The following PPP3CC variants were observed in gnomAD, a reference collection of about 807,000 sequenced individuals.
PPP3CC encodes serine/threonine-protein phosphatase 2B catalytic subunit gamma isoform.
A neutral mutation model predicts 60.3 loss-of-function variants in PPP3CC; 35 were observed. The ratio of observed to expected loss-of-function variants is 0.58; its 90% CI spans 0.44 to 0.77. PPP3CC has a LOEUF of 0.77. Among genes scored for constraint, PPP3CC ranks in the 30% least tolerant of loss-of-function variants. The probability of loss-of-function intolerance (pLI) is 0.00; values close to 1 mark genes in which losing one functional copy is unlikely to be tolerated. For missense variants in PPP3CC, 570 were observed against 628.9 expected, an observed-to-expected ratio of 0.91 and a Z score of 1.00; for synonymous variants, 206 against 224.3, an observed-to-expected ratio of 0.92 and a Z score of 0.73.
intron 11 of PPP3CC, 93 bp from the exon 12 acceptor site, chr8:22,532,828 T>C (rs1417392098): frequency 4.1e-5 from 33 of 811,490 alleles, no homozygotes; most frequent in Non-Finnish European, 5.7e-5. Flanking sequence ...CTATCTTCCA[T>C]CTCTGCTGTC....
intron 3 of PPP3CC, among the ~76,000 whole-genome samples, chr8:22,481,785 G>T (rs939698302): frequency 6.6e-6 from 1 of 151,884 alleles, no homozygotes; most frequent in African/African-American, 2.4e-5. Flanking sequence ...AACATGTGGT[G>T]TTTGGTTTTC....
intron 6 of PPP3CC, among the ~76,000 whole-genome samples, chr8:22,514,023 A>G (rs1292277238): frequency 6.6e-6 from 1 of 152,224 alleles, no homozygotes; most frequent in East Asian, 1.9e-4. Flanking sequence ...AGGCGGGCGG[A>G]TCACTTAAGG....
intron 4 of PPP3CC, 177 bp from the exon 5 acceptor site, chr8:22,510,909 A>G: frequency 1.7e-6 from 1 of 598,478 alleles, no homozygotes; most frequent in African/African-American, 1.9e-5. Flanking sequence ...AAGAGGAGAG[A>G]GGTATTGTTA....
At position 22,497,879 on chromosome 8, in the gene PPP3CC, A is replaced by C. The variant is rs1838636901; in HGVS notation, c.373-122A>C. On this transcript the variant is annotated intron_variant, in intron 3 of 13. Coordinates refer to ENST00000240139, the MANE Select transcript of PPP3CC (RefSeq NM_005605.5). ...AAGTATATCACATTCAAAAGGTTTC[A>C]TTTTTCAATTTGGGAGTAACAATGA... The C allele has an allele frequency of 7.9e-6, 5 of 631,134 alleles. No individual in the cohort carries two copies. The East Asian group carries it at 1.4e-4, about 18-fold the overall frequency. 39.1% of individuals were successfully genotyped at this position (631,134 alleles called of 1,614,324 possible). A position where few individuals can be genotyped will look rare whatever the true frequency, so the allele number is the denominator to read the frequency against.
intron 4 of PPP3CC, among the ~76,000 whole-genome samples, chr8:22,499,127 AAGAAAT>A (rs1281976689): frequency 6.7e-6 from 1 of 150,254 alleles, no homozygotes; most frequent in Non-Finnish European, 1.5e-5. Flanking sequence ...TCAAAAAAAA[AAGAAAT>A]AGAATTATTT....
chr8:22,465,219 C>T (rs1184617904), intron 1 of PPP3CC, among the ~76,000 whole-genome samples: 1 of 152,062 alleles, frequency 6.6e-6, no homozygotes, highest in Non-Finnish European at 1.5e-5. Context: ...GCTCAGCCTG[C>T]CAAAGTGCTA....
In PPP3CC at chr8:22,527,475, A is replaced by T; in HGVS notation, c.1027A>T (p.Met343Leu). The change falls in exon 9 of 14, where the codon ATG becomes TTG. Residue 343 changes from methionine (M) to leucine (L), a missense_variant. Coordinates refer to ENST00000240139, the MANE Select transcript of PPP3CC (RefSeq NM_005605.5). ...SPHPYWLPNF[M>L]DVFTWSLPFV... Reference sequence around the variant, plus strand: ...ACACCCCTACTGGCTTCCAAACTTTATGGATGTTTTCACATGGTCTTTGCC... The same window carrying T: ...ACACCCCTACTGGCTTCCAAACTTTTTGGATGTTTTCACATGGTCTTTGCC... 6.2e-7 allele frequency: 1 copy of T among 1,614,028 alleles called. No homozygotes were observed. Among genetic ancestry groups the T allele is most frequent in the Non-Finnish European group, 8.5e-7 (1 of 1,179,926 alleles).
chr8:22,532,398 T>C (rs1839740355), intron 11 of PPP3CC, 92 bp downstream of exon 11: 2 of 1,086,800 alleles, frequency 1.8e-6, no homozygotes, highest in Non-Finnish European at 2.8e-6. Context: ...AATTGGAATG[T>C]AGTATTGAAA....
At chr8:22,481,083 C>G (rs996769102) in intron 3 of PPP3CC, among the ~76,000 whole-genome samples, 3 of 152,098 alleles carry the variant, frequency 2.0e-5, no homozygotes, top group African/African-American at 7.2e-5. Context: ...GCCTGTAATC[C>G]CACACTTGGG....
At chr8:22,539,744 G>T (rs1421358835) in intron 13 of PPP3CC, among the ~76,000 whole-genome samples, 1 of 152,058 alleles carries the variant, frequency 6.6e-6, no homozygotes, top group Admixed American at 6.6e-5. Context: ...TTAATGCAAC[G>T]GCAGAAGCTT....
In PPP3CC at chr8:22,517,446, T is replaced by C. The variant is rs938579413; in HGVS notation, c.770+4014T>C. ...TTAAGAAAGATTGGTATTAATTCTT[T>C]TTTTTAATGATTAATAGAATTCACC... is the stretch of plus-strand genomic sequence containing the variant. On this transcript the variant is annotated intron_variant, in intron 6 of 13. Transcript: ENST00000240139. Among the ~76,000 whole-genome samples the C allele has an allele frequency of 9.9e-4, 151 of 152,304 alleles. 1 individual carries two copies. The highest frequency in any genetic ancestry group is 2.4e-3 in the Admixed American group (37 of 15,288).
intron 1 of PPP3CC, among the ~76,000 whole-genome samples, chr8:22,447,683 A>T (rs1223899323): frequency 6.6e-6 from 1 of 152,040 alleles, no homozygotes; most frequent in Non-Finnish European, 1.5e-5. Context: ...AAAACTTTCA[A>T]CCTAACCTAA....
chr8:22,475,685 A>G (rs1475733323), intron 3 of PPP3CC, 61 bp downstream of exon 3: 3 of 1,448,552 alleles, frequency 2.1e-6, no homozygotes, highest in Admixed American at 2.2e-5. Context: ...GATGATTTCC[A>G]TTCTTCAGTA....
intron 1 of PPP3CC, among the ~76,000 whole-genome samples, chr8:22,454,781 AT>A (rs1227578352): frequency 6.6e-6 from 1 of 152,192 alleles, no homozygotes; most frequent in Non-Finnish European, 1.5e-5. Context: ...TATTGAAAGG[AT>A]TTAAGGCTGG....
At position 22,444,695 on chromosome 8, in the gene PPP3CC, T is replaced by C. The variant is rs114666036; in HGVS notation, c.49+3237T>C. On this transcript the variant is annotated intron_variant, in intron 1 of 13. Transcript: ENST00000240139. ...AATGTTTATTGAGTGCCATCTGCAA[T>C]GTACCCTAGTAGGTTGCTCATTCAT... Among the ~76,000 whole-genome samples the C allele has an allele frequency of 3.1e-3, 477 of 152,386 alleles. 3 individuals are homozygous for C. Among genetic ancestry groups the C allele is most frequent in the African/African-American group, 0.011 (452 of 41,596 alleles).
At chr8:22,441,481 C>A in intron 1 of PPP3CC, 23 bp downstream of exon 1, 1 of 1,520,822 alleles carries the variant, frequency 6.6e-7, no homozygotes, top group Non-Finnish European at 8.8e-7. Flanking sequence ...CCGGGCCTTC[C>A]TCTGGGACCC....
chr8:22,469,811 G>A (rs1349447588), intron 1 of PPP3CC, among the ~76,000 whole-genome samples: 1 of 151,992 alleles, frequency 6.6e-6, no homozygotes, highest in Non-Finnish European at 1.5e-5. Flanking sequence ...GCCCCACTGT[G>A]CCCTGTCTGA....
chr8:22,522,518 G>T lies in PPP3CC; in HGVS notation c.798G>T (p.Gln266His), dbSNP rs867311787. ...YSYPAVCEFL[Q>H]NNNLLSIIRA... ...ACCCTGCAGTTTGTGAATTTTTGCA[G>T]AACAATAATTTACTATCAATTATCA... Residue 266 changes from glutamine to histidine, a missense_variant, in exon 7 of 14, where the codon CAG (glutamine) becomes CAT (histidine). Gln to His is a conservative substitution (Grantham distance 24, BLOSUM62 0). Transcript: ENST00000240139. The T allele has an allele frequency of 6.2e-7, 1 of 1,611,624 alleles. No homozygotes were observed.
chr8:22,539,636 A>T (rs1257944816), intron 13 of PPP3CC, 138 bp downstream of exon 13: 4 of 844,676 alleles, frequency 4.7e-6, no homozygotes, highest in Non-Finnish European at 7.2e-6. Flanking sequence ...GTTTCTAGGC[A>T]TGTTAACGAA....
Sources: gnomAD v4.1 joint callset for allele counts (sites outside exome capture counted in the v4.1 genomes callset) on GRCh38, gnomAD v4.1.1 for gene constraint, MANE v1.5 for transcripts, NCBI Gene and HGNC (gene_info 2026-07-23, HGNC 2026-07-21) for gene names.